The following ZNF184 variants were observed in gnomAD, a reference collection of about 807,000 sequenced individuals.
ZNF184 encodes zinc finger protein 184 (Kruppel-like).
In ZNF184, 16 loss-of-function variants were observed where a neutral mutation model predicts 54.4. That is an observed-to-expected ratio of 0.29 (90% CI 0.20 to 0.45). The LOEUF (loss-of-function observed/expected upper bound fraction) is 0.45, where lower values mean the gene tolerates loss of function less well. Ranked by LOEUF, ZNF184 falls within the 20% of genes least tolerant of loss-of-function variation. The probability of loss-of-function intolerance (pLI) is 1.00; values close to 1 mark genes in which losing one functional copy is unlikely to be tolerated. For missense variants in ZNF184, 681 were observed against 888.2 expected (o/e 0.77, Z 2.97); for synonymous variants, 254 against 295.3 (o/e 0.86, Z 1.43).
the ZNF184 span, among the ~76,000 whole-genome samples, chr6:27,435,700 T>G: frequency 6.6e-6 from 1 of 152,222 alleles, no homozygotes; most frequent in African/African-American, 2.4e-5. Flanking sequence ...GATTTTATGT[T>G]GCATGACCTC....
At chr6:27,424,415 T>C in the ZNF184 span, among the ~76,000 whole-genome samples, 1 of 152,204 alleles carries the variant, frequency 6.6e-6, no homozygotes. Context: ...TTCTCTTATC[T>C]GGCCCCACCC....
At chr6:27,436,778 A>C in the ZNF184 span, among the ~76,000 whole-genome samples, 1 of 152,230 alleles carries the variant, frequency 6.6e-6, no homozygotes, top group East Asian at 1.9e-4. Flanking sequence ...GGAGAAAAGG[A>C]ACACTGCTTT....
the ZNF184 span, among the ~76,000 whole-genome samples, chr6:27,415,178 C>T: frequency 2.6e-5 from 4 of 152,146 alleles, no homozygotes; most frequent in Non-Finnish European, 5.9e-5. Context: ...GGCTGAGCTA[C>T]TCTACAGTTG....
the ZNF184 span, among the ~76,000 whole-genome samples, chr6:27,443,123 T>C: frequency 6.6e-6 from 1 of 152,188 alleles, no homozygotes; most frequent in Non-Finnish European, 1.5e-5. Context: ...TGAAAACAAT[T>C]CTCCAAATAA....
Position 27,472,781 on chromosome 6 carries a change from C to G in ZNF184, c.-192G>C, listed in dbSNP as rs1763310663. The G allele has an allele frequency of 1.9e-5, 3 of 156,604 alleles. No homozygotes were observed. The South Asian group carries it at 5.4e-4, about 28-fold the overall frequency. 9.7% of individuals were successfully genotyped at this position (156,604 alleles called of 1,614,324 possible). ...TGGACAAACAGGGCGGGGCCCGGCA[C>G]CCGACTTCCCCTTAGGCCAGAACAA... On this transcript the variant is annotated 5_prime_UTR_variant, in exon 1 of 6. Coordinates refer to ENST00000683788, the MANE Select transcript of ZNF184 (RefSeq NM_001318891.2). This position sits in a 1 kb window ranked among gnomAD's most constrained non-coding sequence, Gnocchi z 4.8.
chr6:27,463,928 A>C (rs77433055), intron 3 of ZNF184, among the ~76,000 whole-genome samples: 14 of 151,178 alleles, frequency 9.3e-5, no homozygotes, highest in South Asian at 2.1e-4. Context: ...AAAAAAAAAA[A>C]AAACCAGATG....
chr6:27,458,015 T>C (rs1762903390), intron 3 of ZNF184, among the ~76,000 whole-genome samples: 1 of 151,670 alleles, frequency 6.6e-6, no homozygotes, highest in South Asian at 2.1e-4. Context: ...GATTAGTCAC[T>C]AAATCATGCC....
At chr6:27,422,499 A>T in the ZNF184 span, among the ~76,000 whole-genome samples, 1 of 152,112 alleles carries the variant, frequency 6.6e-6, no homozygotes, top group Admixed American at 6.5e-5. Context: ...ACGACAAAAA[A>T]AAAATCTACC....
In ZNF184 at chr6:27,451,229, T is replaced by G; in HGVS notation, c.*74A>C. ...TTCAAGGCAGTTTCTAAATCCACTC[T>G]GATTCTTCAGTACTTAACAAAAGGA... On this transcript the variant is annotated 3_prime_UTR_variant, in exon 6 of 6. Coordinates refer to ENST00000683788, the MANE Select transcript of ZNF184 (RefSeq NM_001318891.2). 6.7e-7 allele frequency: 1 copy of G among 1,482,196 alleles called. No homozygotes were observed. Among genetic ancestry groups the G allele is most frequent in the African/African-American group, 1.4e-5 (1 of 71,166 alleles). 91.8% of individuals were successfully genotyped at this position (1,482,196 alleles called of 1,614,324 possible).
At chr6:27,456,953 G>A (rs1214453615) in intron 4 of ZNF184, 32 bp from the exon 5 acceptor site, 1 of 1,564,660 alleles carries the variant, frequency 6.4e-7, no homozygotes, top group African/African-American at 1.4e-5. Flanking sequence ...AAAGAAACCT[G>A]CAGTAAGGGG....
chr6:27,453,003 T>G lies in ZNF184; in HGVS notation c.556A>C (p.Ser186Arg). 2 of 1,614,170 alleles carry G rather than the reference T, an allele frequency of 1.2e-6. No individual in the cohort carries two copies. The highest frequency in any genetic ancestry group is 1.7e-6 in the Non-Finnish European group (2 of 1,180,000). The change falls in exon 6 of 6, where the codon AGT becomes CGT. Residue 186 changes from serine to arginine, a missense_variant. By Grantham distance (110) the Ser-to-Arg change is moderately radical. Coordinates refer to ENST00000683788, the MANE Select transcript of ZNF184 (RefSeq NM_001318891.2). This position sits in a 1 kb window ranked among gnomAD's most constrained non-coding sequence, Gnocchi z 4.7. The part of the protein sequence containing the change: ...KGPVNNEFGK[S>R]VNVSSNLVTQ... ...ACAAGGTTTGAACTCACATTGACAC[T>G]TTTCCCAAATTCATTATTTACAGGG...
chr6:27,466,608 C>T (rs6920733), intron 3 of ZNF184, among the ~76,000 whole-genome samples: 99,027 of 151,734 alleles, frequency 0.65, 32,595 homozygotes, highest in Middle Eastern at 0.76. Context: ...TGAATGTATA[C>T]ATGACAAAAC....
the ZNF184 span, among the ~76,000 whole-genome samples, chr6:27,444,422 T>C: frequency 6.6e-6 from 1 of 152,148 alleles, no homozygotes; most frequent in South Asian, 2.1e-4. Context: ...ATTGTCAGTT[T>C]TTTTCTCTCT....
chr6:27,431,013 T>C, the ZNF184 span, among the ~76,000 whole-genome samples: 3 of 152,270 alleles, frequency 2.0e-5, no homozygotes, highest in South Asian at 6.2e-4. Flanking sequence ...ATTTTCATTC[T>C]TGCTGGGACT....
At chr6:27,407,370 T>C in the ZNF184 span, among the ~76,000 whole-genome samples, 1 of 152,194 alleles carries the variant, frequency 6.6e-6, no homozygotes, top group Admixed American at 6.5e-5. Context: ...GGCTCTTCCT[T>C]GCCTTCAGAG....
the ZNF184 span, among the ~76,000 whole-genome samples, chr6:27,430,967 G>C: frequency 2.0e-5 from 3 of 151,732 alleles, no homozygotes; most frequent in African/African-American, 7.3e-5. Context: ...AGAGGTCCCT[G>C]AAAATACCTT....
the ZNF184 span, chr6:27,405,676 G>A: frequency 6.6e-6 from 1 of 152,278 alleles, no homozygotes; most frequent in East Asian, 1.9e-4. Context: ...CCCAGTCTGG[G>A]GGGGTCATTG....
At chr6:27,423,904 A>G in the ZNF184 span, among the ~76,000 whole-genome samples, 5 of 152,128 alleles carry the variant, frequency 3.3e-5, no homozygotes, top group East Asian at 1.9e-4. Context: ...CTTTCTGTTT[A>G]TTTGGAATCT....
At chr6:27,415,164 G>A in the ZNF184 span, among the ~76,000 whole-genome samples, 1 of 152,128 alleles carries the variant, frequency 6.6e-6, no homozygotes, top group African/African-American at 2.4e-5. Flanking sequence ...GGGGGCTGTT[G>A]GTGGGCTGAG....
Sources: allele counts gnomAD v4.1 joint callset (sites outside exome capture counted in the v4.1 genomes callset), GRCh38; gene constraint gnomAD v4.1.1; non-coding constraint Gnocchi (gnomAD v3.1); transcripts MANE v1.5; gene names NCBI Gene and HGNC (gene_info 2026-07-23, HGNC 2026-07-21).